The following TPD52 variants were observed in gnomAD, a reference collection of about 807,000 sequenced individuals.
TPD52 encodes prostate and colon associated protein.
Under a neutral mutation model 31.3 loss-of-function variants are expected in TPD52, and 17 were observed. The ratio of observed to expected loss-of-function variants is 0.54; its 90% CI spans 0.37 to 0.82. The LOEUF is 0.82. TPD52 is among the 40% of genes least tolerant of loss of function. The pLI, the probability that TPD52 is intolerant of heterozygous loss-of-function variation, is 0.00. For synonymous variants in TPD52, 83 were observed against 89.6 expected (o/e 0.93, Z 0.42); for missense variants, 212 against 240.1 (o/e 0.88, Z 0.77).
At chr8:80,145,073 T>G (rs944218832) in intron 1 of TPD52, among the ~76,000 whole-genome samples, 3 of 152,126 alleles carry the variant, frequency 2.0e-5, no homozygotes, top group Admixed American at 6.5e-5. Flanking sequence ...TCCTGGAGGG[T>G]CACTCTTTAT....
At chr8:80,086,392 C>A (rs1443592496) in intron 1 of TPD52, among the ~76,000 whole-genome samples, 2 of 151,758 alleles carry the variant, frequency 1.3e-5, no homozygotes, top group African/African-American at 4.8e-5. Flanking sequence ...GCTGGGATTA[C>A]AGGTGTGAGC....
intron 1 of TPD52, among the ~76,000 whole-genome samples, chr8:80,105,668 C>T (rs2130951368): frequency 6.6e-6 from 1 of 151,254 alleles, no homozygotes; most frequent in East Asian, 2.0e-4. Flanking sequence ...ACCTTCTGGA[C>T]TTAAGCAATC....
At chr8:80,073,722 T>A (rs1386625568) in intron 1 of TPD52, among the ~76,000 whole-genome samples, 1 of 152,242 alleles carries the variant, frequency 6.6e-6, no homozygotes, top group Non-Finnish European at 1.5e-5. Context: ...TATCTCGAGC[T>A]TTTTATTTTA....
intron 2 of TPD52, among the ~76,000 whole-genome samples, chr8:80,063,976 AG>A (rs1812834252): frequency 1.4e-5 from 1 of 71,190 alleles, no homozygotes; most frequent in African/African-American, 5.5e-5. Flanking sequence ...GGGAAGAAGG[AG>A]GGGAGGGAGG....
At chr8:80,134,806 G>A (rs978209299) in intron 1 of TPD52, among the ~76,000 whole-genome samples, 5 of 152,196 alleles carry the variant, frequency 3.3e-5, no homozygotes, top group African/African-American at 9.7e-5. Context: ...ACAGTCTCAC[G>A]AGAGGCCCTG....
intron 1 of TPD52, among the ~76,000 whole-genome samples, chr8:80,097,669 G>T (rs57489716): frequency 0.12 from 17,867 of 152,094 alleles, 1,355 homozygotes; most frequent in African/African-American, 0.21. Context: ...CTTCCTGTAC[G>T]GTCTGTGAAA....
intron 2 of TPD52, among the ~76,000 whole-genome samples, chr8:80,058,952 C>T (rs1223084394): frequency 2.0e-5 from 3 of 152,060 alleles, no homozygotes; most frequent in East Asian, 1.9e-4. Flanking sequence ...TGAACAATAC[C>T]ATACATCAAC....
intron 1 of TPD52, among the ~76,000 whole-genome samples, chr8:80,135,467 C>A (rs1362056702): frequency 6.6e-6 from 1 of 152,048 alleles, no homozygotes; most frequent in African/African-American, 2.4e-5. Context: ...AAAGAGGAAG[C>A]CTGAATATAC....
At chr8:80,161,668 C>G (rs1405092673) in intron 1 of TPD52, among the ~76,000 whole-genome samples, 3 of 151,128 alleles carry the variant, frequency 2.0e-5, no homozygotes, top group African/African-American at 7.3e-5. Flanking sequence ...GAAATTTCAT[C>G]CTGTTAATAA....
chr8:80,034,443 G>A (rs569864666), downstream of TPD52, among the ~76,000 whole-genome samples: 1 of 152,300 alleles, frequency 6.6e-6, no homozygotes, highest in Admixed American at 6.5e-5. Context: ...TTCCCTTGCT[G>A]CAGCTGGTGT....
At chr8:80,083,961 T>C (rs1219235552) in intron 1 of TPD52, among the ~76,000 whole-genome samples, 1 of 152,158 alleles carries the variant, frequency 6.6e-6, no homozygotes, top group East Asian at 1.9e-4. Context: ...TTTGAAGGAA[T>C]CACATCCAAG....
In TPD52 at chr8:80,038,199, A is replaced by C; in HGVS notation, c.541T>G (p.Phe181Val). Residue 181 changes from phenylalanine to valine, a missense_variant, in exon 8 of 8, where the codon TTT becomes GTT. Transcript: ENST00000518937. Reference protein sequence around the residue: ...VGGTKPAGGDFGEVLNSAANA... With the variant: ...VGGTKPAGGDVGEVLNSAANA... The stretch of plus-strand genomic sequence containing the variant: ...GCAGCCGAATTCAAGACTTCTCCAA[A>C]ATCACCACCAGCAGGCTTGGTTCCC... 6.2e-7 allele frequency: 1 copy of C among 1,614,102 alleles called. No individual in the cohort carries two copies. Among genetic ancestry groups the C allele is most frequent in the Non-Finnish European group, 8.5e-7 (1 of 1,179,984 alleles).
intron 1 of TPD52, among the ~76,000 whole-genome samples, chr8:80,158,141 A>C (rs1811096288): frequency 6.6e-6 from 1 of 151,530 alleles, no homozygotes; most frequent in Non-Finnish European, 1.5e-5. Flanking sequence ...TTTCCCTTTA[A>C]AACACCCATG....
chr8:80,048,035 G>C (rs1448988733), intron 5 of TPD52, among the ~76,000 whole-genome samples: 2 of 152,160 alleles, frequency 1.3e-5, no homozygotes, highest in Admixed American at 1.3e-4. Flanking sequence ...CTAAAGGCAT[G>C]AGTCAATACT....
downstream of TPD52, among the ~76,000 whole-genome samples, chr8:80,033,937 G>C (rs188291495): frequency 2.0e-5 from 3 of 152,188 alleles, no homozygotes; most frequent in Admixed American, 1.3e-4. Flanking sequence ...CTGGCCCCCA[G>C]GCTTCAGGCT....
At chr8:80,064,851 G>A (rs1481260010) in intron 1 of TPD52, 5 of 612,730 alleles carry the variant, frequency 8.2e-6, no homozygotes, top group African/African-American at 3.6e-5. Flanking sequence ...CATAGTCTCA[G>A]TCACAATATA....
intron 1 of TPD52, among the ~76,000 whole-genome samples, chr8:80,139,282 A>G (rs925932178): frequency 1.3e-5 from 2 of 152,110 alleles, no homozygotes; most frequent in Non-Finnish European, 1.5e-5. Context: ...AAAATCCACT[A>G]TTTTTTTATA....
At chr8:80,034,489 C>A (rs1809781036), downstream of TPD52, among the ~76,000 whole-genome samples, 2 of 152,334 alleles carry the variant, frequency 1.3e-5, no homozygotes, top group South Asian at 4.1e-4. Context: ...CCACCACCAT[C>A]AACAAGTCTG....
intron 1 of TPD52, among the ~76,000 whole-genome samples, chr8:80,090,048 G>A (rs1816131315): frequency 6.6e-6 from 1 of 152,134 alleles, no homozygotes; most frequent in Non-Finnish European, 1.5e-5. Flanking sequence ...AGCAGAAGTG[G>A]TAGGCAGTGG....
Sources: gnomAD v4.1 joint callset for allele counts (sites outside exome capture counted in the v4.1 genomes callset) on GRCh38, gnomAD v4.1.1 for gene constraint, MANE v1.5 for transcripts, NCBI Gene and HGNC (gene_info 2026-07-23, HGNC 2026-07-21) for gene names.